The following CAP1 variants were observed in gnomAD, a reference collection of about 807,000 sequenced individuals.
CAP1 encodes the protein adenylyl cyclase-associated protein 1.
In CAP1, 11 loss-of-function variants were observed where a neutral mutation model predicts 58.2. The ratio of observed to expected loss-of-function variants is 0.19; its 90% CI spans 0.12 to 0.31. CAP1 has a LOEUF of 0.31. Among genes scored for constraint, CAP1 ranks in the 10% least tolerant of loss-of-function variants. The pLI is 1.00. For missense variants in CAP1, 423 were observed against 587.5 expected (o/e 0.72, Z 2.89); for synonymous variants, 183 against 213.8 (o/e 0.86, Z 1.26).
intron 6 of CAP1, among the ~76,000 whole-genome samples, 155 bp downstream of exon 6, chr1:40,064,714 T>C (rs1392972219): frequency 6.6e-6 from 1 of 152,134 alleles, no homozygotes. Context: ...TAGCTGGGAC[T>C]TCAGGCACGC....
intron 1 of CAP1, among the ~76,000 whole-genome samples, chr1:40,059,011 C>G (rs1332375851): frequency 7.9e-6 from 1 of 126,432 alleles, no homozygotes; most frequent in Non-Finnish European, 1.7e-5. Flanking sequence ...ATGTGACTAT[C>G]CTTTGCAAAT....
chr1:40,064,190 G>C, intron 4 of CAP1, 37 bp from the exon 5 acceptor site: 1 of 1,610,182 alleles, frequency 6.2e-7, no homozygotes, highest in South Asian at 1.1e-5. Context: ...TTTGTGGAAA[G>C]ATGTTAACCT....
At chr1:40,048,610 G>GA (rs1378651387) in intron 1 of CAP1, among the ~76,000 whole-genome samples, 2 of 151,986 alleles carry the variant, frequency 1.3e-5, no homozygotes, top group African/African-American at 4.8e-5. Flanking sequence ...AGAAAGTTTG[G>GA]AAAACAGGTA....
chr1:40,071,163 C>T (rs990783949), intron 12 of CAP1, among the ~76,000 whole-genome samples, 184 bp downstream of exon 12: 5 of 152,120 alleles, frequency 3.3e-5, no homozygotes, highest in African/African-American at 1.2e-4. Context: ...GTGCTTTCTG[C>T]CTAAGTGGAG....
chr1:40,065,631 A>G (rs973839216), intron 6 of CAP1, among the ~76,000 whole-genome samples: 1 of 152,268 alleles, frequency 6.6e-6, no homozygotes, highest in African/African-American at 2.4e-5. Flanking sequence ...CAGTTAATAC[A>G]TAAGAAGAGA....
intron 6 of CAP1, among the ~76,000 whole-genome samples, 164 bp from the exon 7 acceptor site, chr1:40,066,051 T>C (rs1363992383): frequency 1.3e-5 from 2 of 152,150 alleles, no homozygotes; most frequent in Admixed American, 6.6e-5. Flanking sequence ...ATAGACTAGG[T>C]TGTATATACA....
At position 40,048,671 on chromosome 1, in the gene CAP1, C is replaced by T. The variant is rs191116942; in HGVS notation, c.-11+7870C>T. 2.6e-3 allele frequency among the ~76,000 whole-genome samples: 393 copies of T among 152,152 alleles called. 3 individuals carry two copies. The highest frequency in any genetic ancestry group is 3.9e-3 in the Non-Finnish European group (263 of 67,994). On this transcript the variant is annotated intron_variant, in intron 1 of 12. Coordinates refer to ENST00000372805, the MANE Select transcript of CAP1 (RefSeq NM_006367.4). ...AATGTGACAAATATTGTAAATTTTG[C>T]GTTCAAGTTTTTTTCCACACTTCAT... is the stretch of plus-strand genomic sequence containing the variant.
chr1:40,051,292 G>A (rs1213630753), intron 1 of CAP1, among the ~76,000 whole-genome samples: 1 of 152,204 alleles, frequency 6.6e-6, no homozygotes, highest in African/African-American at 2.4e-5. Context: ...GTTCACATCT[G>A]TAATCCCAGC....
intron 1 of CAP1, among the ~76,000 whole-genome samples, chr1:40,053,029 C>T (rs1251714449): frequency 6.6e-6 from 1 of 152,142 alleles, no homozygotes; most frequent in Non-Finnish European, 1.5e-5. Flanking sequence ...TCGAGACCAT[C>T]CTGGCTAACA....
intron 1 of CAP1, among the ~76,000 whole-genome samples, chr1:40,047,117 T>C (rs1423192182): frequency 1.9e-5 from 2 of 107,398 alleles, no homozygotes; most frequent in Non-Finnish European, 3.5e-5. Context: ...TCTTATGGGA[T>C]TTTGTGTTGA....
chr1:40,070,790 G>A, intron 11 of CAP1, 46 bp from the exon 12 acceptor site: 1 of 1,551,046 alleles, frequency 6.4e-7, no homozygotes, highest in Non-Finnish European at 8.7e-7. Context: ...ACTTACTGTT[G>A]TCCTTCCCAA....
intron 1 of CAP1, among the ~76,000 whole-genome samples, chr1:40,047,098 G>T (rs1285653136): frequency 1.5e-5 from 2 of 134,796 alleles, no homozygotes; most frequent in Non-Finnish European, 3.1e-5. Flanking sequence ...TAAAAATAGG[G>T]TATTATAATC....
chr1:40,070,315 G>A lies in CAP1; in HGVS notation c.1117+33G>A, dbSNP rs749190396. 20 of 1,613,292 alleles carry A rather than the reference G, an allele frequency of 1.2e-5. No individual in the cohort carries two copies. The Admixed American group carries it at 1.8e-4, about 15-fold the overall frequency. On this transcript the variant is annotated intron_variant, in intron 10 of 12. Coordinates refer to ENST00000372805, the MANE Select transcript of CAP1 (RefSeq NM_006367.4). ...TTTGTCGCTGTCCCACGCAAGCCCC[G>A]TCCCAGAGCCCGAGAAGGCTAATAC...
At chr1:40,056,036 G>C (rs1646599777) in intron 1 of CAP1, among the ~76,000 whole-genome samples, 2 of 152,084 alleles carry the variant, frequency 1.3e-5, no homozygotes, top group South Asian at 4.1e-4. Flanking sequence ...ATAAAGATAA[G>C]GAAATTGAGT....
chr1:40,061,114 A>C (rs1357002019), intron 3 of CAP1, among the ~76,000 whole-genome samples: 1 of 151,776 alleles, frequency 6.6e-6, no homozygotes, highest in African/African-American at 2.4e-5. Context: ...CGTAACTGAG[A>C]TAAAAGTTTC....
chr1:40,059,362 A>T lies in CAP1; in HGVS notation c.16A>T (p.Asn6Tyr), dbSNP rs1646750902. 2 of 1,612,148 alleles carry T rather than the reference A, an allele frequency of 1.2e-6. No homozygotes were observed. Among genetic ancestry groups the T allele is most frequent in the Admixed American group, 3.3e-5 (2 of 59,988 alleles). MADMQ[N>Y]LVERLERAVG... ...GTGGTCCATTATGGCTGACATGCAA[A>T]ATCTGGTAGAAAGATTGGAGAGGGC... Residue 6 changes from asparagine to tyrosine, a missense_variant, in exon 2 of 13, where the codon AAT becomes TAT. Asn to Tyr is a moderately radical substitution (Grantham distance 143). Transcript: ENST00000372805.
At chr1:40,043,168 T>G (rs777760483) in intron 1 of CAP1, among the ~76,000 whole-genome samples, 1 of 152,122 alleles carries the variant, frequency 6.6e-6, no homozygotes, top group Non-Finnish European at 1.5e-5. Context: ...CAAAAAAGGT[T>G]AGATGTCGGC....
At chr1:40,048,933 G>A (rs1298960507) in intron 1 of CAP1, among the ~76,000 whole-genome samples, 1 of 152,092 alleles carries the variant, frequency 6.6e-6, no homozygotes, top group East Asian at 1.9e-4. Context: ...TTTACCTAAG[G>A]ATGATGACTT....
rs1648127811 is a variant in CAP1, at chr1:40,071,982, C to CT, written c.*450dup. The CT allele has an allele frequency of 7.4e-6, 3 of 407,524 alleles. No homozygotes were observed. The highest frequency in any genetic ancestry group is 1.3e-5 in the Non-Finnish European group (3 of 230,288). The allele number at this position is 407,524 out of a possible 1,614,324, so 25.2% of individuals were successfully genotyped here. On this transcript the variant is annotated 3_prime_UTR_variant, in exon 13 of 13. Transcript: ENST00000372805. ...TTTCCAGATGGTTCTTCTAACCAAA[C>CT]TAATTTTTCACTGTTGACAAGCGAG...
Sources: allele counts gnomAD v4.1 joint callset (sites outside exome capture counted in the v4.1 genomes callset), GRCh38; gene constraint gnomAD v4.1.1; transcripts MANE v1.5; gene names NCBI Gene and HGNC (gene_info 2026-07-23, HGNC 2026-07-21).